The following C10orf143 variants were observed in gnomAD, a reference collection of about 807,000 sequenced individuals.
C10orf143 encodes uncharacterized protein C10orf143.
chr10:130,043,898 C>A (rs949764752), intron 3 of C10orf143, among the ~76,000 whole-genome samples: 1 of 152,100 alleles, frequency 6.6e-6, no homozygotes, highest in African/African-American at 2.4e-5. Flanking sequence ...TGATGGGAGG[C>A]TTTTTAGTTT....
chr10:130,060,586 G>A (rs945111695), downstream of C10orf143, among the ~76,000 whole-genome samples: 1 of 152,100 alleles, frequency 6.6e-6, no homozygotes, highest in African/African-American at 2.4e-5. Flanking sequence ...CACTTTGGGA[G>A]GCCAAGGCGG....
At chr10:130,089,331 C>T (rs1861344250) in intron 1 of C10orf143, among the ~76,000 whole-genome samples, 1 of 152,202 alleles carries the variant, frequency 6.6e-6, no homozygotes, top group Non-Finnish European at 1.5e-5. Context: ...TTGCAACAGG[C>T]AGAGCCTAAT....
chr10:130,051,097 C>T (rs1471210831), intron 3 of C10orf143, among the ~76,000 whole-genome samples: 1 of 152,136 alleles, frequency 6.6e-6, no homozygotes, highest in Non-Finnish European at 1.5e-5. Context: ...TGGAAAACTA[C>T]AATACATAGC....
At chr10:130,043,166 G>A (rs1207644029) in intron 3 of C10orf143, among the ~76,000 whole-genome samples, 1 of 152,132 alleles carries the variant, frequency 6.6e-6, no homozygotes, top group Non-Finnish European at 1.5e-5. Context: ...ACCAACAGAT[G>A]AGACAATGCT....
intron 1 of C10orf143, among the ~76,000 whole-genome samples, chr10:130,094,947 C>T (rs1249972072): frequency 6.6e-6 from 1 of 151,638 alleles, no homozygotes; most frequent in Admixed American, 6.6e-5. Flanking sequence ...TCTCTGCTTG[C>T]AGATGACATG....
At chr10:130,049,965 T>C (rs984286839) in intron 3 of C10orf143, among the ~76,000 whole-genome samples, 2 of 152,194 alleles carry the variant, frequency 1.3e-5, no homozygotes, top group African/African-American at 4.8e-5. Flanking sequence ...TGTAAAACCA[T>C]CGGTGATGAA....
intron 1 of C10orf143, among the ~76,000 whole-genome samples, chr10:130,086,346 A>G (rs1590025522): frequency 6.6e-6 from 1 of 152,328 alleles, no homozygotes; most frequent in Non-Finnish European, 1.5e-5. Flanking sequence ...AGGCTCTCCT[A>G]TGTACACTAG....
chr10:130,100,644 TA>T (rs532948772), intron 1 of C10orf143, among the ~76,000 whole-genome samples: 226 of 152,234 alleles, frequency 1.5e-3, no homozygotes, highest in Middle Eastern at 6.8e-3. Flanking sequence ...TTTTAAAAGA[TA>T]AAAATCAAAT....
intron 1 of C10orf143, chr10:130,108,290 A>G: frequency 1.9e-6 from 3 of 1,570,466 alleles, no homozygotes; most frequent in Non-Finnish European, 2.6e-6. Context: ...GTTTGCAATG[A>G]GAAATGTCTA....
chr10:130,107,695 A>AG (rs758369767), intron 1 of C10orf143: 22 of 1,269,664 alleles, frequency 1.7e-5, no homozygotes, highest in South Asian at 7.1e-5. Flanking sequence ...CTTTGCCTCC[A>AG]GGGGGGGAAG....
chr10:130,107,995 T>A, intron 1 of C10orf143: 1 of 1,524,058 alleles, frequency 6.6e-7, no homozygotes, highest in Non-Finnish European at 9.1e-7. Context: ...ATAAAATGGA[T>A]GGGTCAATGC....
At chr10:130,106,223 TGGA>T (rs990341635) in intron 1 of C10orf143, 16 of 1,297,740 alleles carry the variant, frequency 1.2e-5, no homozygotes, top group Non-Finnish European at 1.8e-5. Context: ...CCTTTTTCTG[TGGA>T]GAAGTTTTAG....
At chr10:130,070,043 G>A (rs1257122350) in intron 3 of C10orf143, among the ~76,000 whole-genome samples, 1 of 152,098 alleles carries the variant, frequency 6.6e-6, no homozygotes, top group Non-Finnish European at 1.5e-5. Context: ...TATCATGAAT[G>A]GGATTCGCAT....
chr10:130,055,163 GA>G (rs139414658), intron 3 of C10orf143, among the ~76,000 whole-genome samples: 4,856 of 151,618 alleles, frequency 0.032, 244 homozygotes, highest in African/African-American at 0.11. Context: ...AAAACTCCCA[GA>G]AAAAAAACAG....
At chr10:130,099,087 CA>C (rs34244340) in intron 1 of C10orf143, among the ~76,000 whole-genome samples, 19 of 76,382 alleles carry the variant, frequency 2.5e-4, no homozygotes, top group African/African-American at 2.2e-4. Context: ...GACACCATCT[CA>C]AAAAAAAAAA....
At chr10:130,095,287 A>C (rs1861444750) in intron 1 of C10orf143, among the ~76,000 whole-genome samples, 1 of 152,174 alleles carries the variant, frequency 6.6e-6, no homozygotes, top group Non-Finnish European at 1.5e-5. Flanking sequence ...TCAAGGAAAT[A>C]AAAGAGGACA....
intron 1 of C10orf143, among the ~76,000 whole-genome samples, chr10:130,105,559 C>T (rs1243613812): frequency 5.3e-5 from 8 of 152,020 alleles, no homozygotes; most frequent in Admixed American, 5.2e-4. Context: ...GGTGAAACCT[C>T]ATCTCTACTA....
chr10:130,110,191 T>C (rs952526263), intron 1 of C10orf143, among the ~76,000 whole-genome samples: 2 of 152,116 alleles, frequency 1.3e-5, no homozygotes, highest in Non-Finnish European at 2.9e-5. Flanking sequence ...CCTCTGCTCA[T>C]CAGTTAATGG....
rs140558411 is a variant in C10orf143, at chr10:130,053,570, A to G, written c.298-17600T>C. Among the ~76,000 whole-genome samples the G allele has an allele frequency of 5.1e-3, 772 of 152,274 alleles. 4 individuals carry two copies. The highest frequency in any genetic ancestry group is 0.018 in the African/African-American group (742 of 41,554). On this transcript the variant is annotated intron_variant and NMD_transcript_variant, in intron 3 of 5. Transcript: ENST00000643056. ...CCAGGCATGTGAGACCCCCACAGGA[A>G]TATTTCCACCGGTGTCAGGAGCTTG...
Sources: gnomAD v4.1 joint callset for allele counts (sites outside exome capture counted in the v4.1 genomes callset) on GRCh38, gnomAD v4.1.1 for gene constraint, MANE v1.5 for transcripts, NCBI Gene and HGNC (gene_info 2026-07-23, HGNC 2026-07-21) for gene names.